The following ATXN1 variants were observed in gnomAD, a reference collection of about 807,000 sequenced individuals.
ATXN1 encodes ataxin 1, also known as ataxin-1.
ATXN1 carries 8 observed loss-of-function variants against 56.4 expected under a neutral mutation model. The ratio of observed to expected loss-of-function variants is 0.14; its 90% CI spans 0.08 to 0.26. ATXN1 has a LOEUF of 0.26. ATXN1 is among the 10% of genes least tolerant of loss of function. The pLI is 1.00. For synonymous variants in ATXN1, 514 were observed against 494.6 expected, an observed-to-expected ratio of 1.04 and a Z score of -0.52; for missense variants, 987 against 1,106.5, an observed-to-expected ratio of 0.89 and a Z score of 1.53.
chr6:16,690,727 G>A (rs537339191), intron 2 of ATXN1, among the ~76,000 whole-genome samples: 52 of 152,198 alleles, frequency 3.4e-4, no homozygotes, highest in African/African-American at 1.2e-3. Flanking sequence ...ATGAGAAAAC[G>A]GAGGTGGAAA....
At chr6:16,716,491 G>T (rs1208766369) in intron 2 of ATXN1, among the ~76,000 whole-genome samples, 3 of 152,178 alleles carry the variant, frequency 2.0e-5, no homozygotes, top group African/African-American at 7.2e-5. Context: ...CCAGCTGTGT[G>T]ACTTTGGTCA....
intron 4 of ATXN1, among the ~76,000 whole-genome samples, chr6:16,552,005 A>T: frequency 6.6e-6 from 1 of 152,202 alleles, no homozygotes; most frequent in Middle Eastern, 3.2e-3. Context: ...TGCAAGATGC[A>T]CCTGTGTGCG....
At chr6:16,353,335 G>A (rs1761611404) in intron 6 of ATXN1, among the ~76,000 whole-genome samples, 1 of 152,188 alleles carries the variant, frequency 6.6e-6, no homozygotes, top group South Asian at 2.1e-4. Context: ...GGGGAATGCT[G>A]CTGGTTGGTT....
At chr6:16,420,042 G>A (rs2113564206) in intron 6 of ATXN1, among the ~76,000 whole-genome samples, 1 of 152,308 alleles carries the variant, frequency 6.6e-6, no homozygotes, top group East Asian at 1.9e-4. Flanking sequence ...AAGGACACAT[G>A]AACCACCACA....
intron 6 of ATXN1, among the ~76,000 whole-genome samples, chr6:16,426,591 G>A (rs1759159640): frequency 7.1e-6 from 1 of 141,760 alleles, no homozygotes; most frequent in Non-Finnish European, 1.6e-5. Context: ...CCGAGTGTGT[G>A]TGTGTGTGTG....
intron 4 of ATXN1, among the ~76,000 whole-genome samples, chr6:16,563,037 C>T (rs1039349089): frequency 2.8e-4 from 43 of 151,882 alleles, no homozygotes; most frequent in African/African-American, 1.0e-3. Context: ...TCTTGCTCCT[C>T]TGGGATGCGT....
In ATXN1 at chr6:16,760,304, GC is replaced by G. The variant is rs1334836592; in HGVS notation, c.-730+993del. Among the ~76,000 whole-genome samples, 3 of 151,900 alleles carry G rather than the reference GC, an allele frequency of 2.0e-5. No homozygotes were observed. The highest frequency in any genetic ancestry group is 7.2e-5 in the African/African-American group (3 of 41,404). On this transcript the variant is annotated intron_variant, in intron 1 of 7. Coordinates refer to ENST00000436367, the MANE Select transcript of ATXN1 (RefSeq NM_001128164.2). The surrounding 1 kb of genome is among the most constrained non-coding windows in gnomAD (Gnocchi z 5.3). The stretch of plus-strand genomic sequence containing the variant: ...CATTCACCCTCCCAGCAGCCGCGCA[GC>G]CGTTCACTCCCGGCTCAGGGCAGCG...
At chr6:16,470,004 A>G (rs1044722086) in intron 6 of ATXN1, among the ~76,000 whole-genome samples, 1 of 152,156 alleles carries the variant, frequency 6.6e-6, no homozygotes, top group Non-Finnish European at 1.5e-5. Context: ...AATGGTTTCA[A>G]AGAGTTTCAA....
chr6:16,683,765 C>A (rs574541052), intron 2 of ATXN1, among the ~76,000 whole-genome samples: 3 of 152,316 alleles, frequency 2.0e-5, no homozygotes, highest in African/African-American at 7.2e-5. Context: ...TTCTTCCTGG[C>A]AAATTGCTCT....
intron 6 of ATXN1, among the ~76,000 whole-genome samples, chr6:16,472,707 G>T (rs560132430): frequency 6.6e-6 from 1 of 152,296 alleles, no homozygotes; most frequent in Admixed American, 6.5e-5. Flanking sequence ...ACAAATGCCT[G>T]CAGGCTCCGA....
At chr6:16,357,947 T>C (rs1440120968) in intron 6 of ATXN1, among the ~76,000 whole-genome samples, 1 of 152,030 alleles carries the variant, frequency 6.6e-6, no homozygotes, top group Non-Finnish European at 1.5e-5. Flanking sequence ...AAGATAAACA[T>C]ACAGGAACTC....
intron 6 of ATXN1, among the ~76,000 whole-genome samples, chr6:16,362,761 T>C (rs1414901644): frequency 6.6e-6 from 1 of 152,162 alleles, no homozygotes; most frequent in Non-Finnish European, 1.5e-5. Flanking sequence ...ATAGATGTGA[T>C]ATTCAGTTTA....
At chr6:16,624,714 G>A (rs1561783689) in intron 3 of ATXN1, among the ~76,000 whole-genome samples, 2 of 152,136 alleles carry the variant, frequency 1.3e-5, no homozygotes. Context: ...AATTGTGAAA[G>A]TCTAAAGTTA....
chr6:16,409,787 C>A (rs1758761006), intron 6 of ATXN1, among the ~76,000 whole-genome samples: 2 of 151,434 alleles, frequency 1.3e-5, no homozygotes, highest in Admixed American at 6.6e-5. Flanking sequence ...CTTTGCCCCC[C>A]ACCCCACAGC....
At chr6:16,695,136 G>A (rs1425060618) in intron 2 of ATXN1, among the ~76,000 whole-genome samples, 1 of 152,124 alleles carries the variant, frequency 6.6e-6, no homozygotes, top group Non-Finnish European at 1.5e-5. Flanking sequence ...ACTATGATGG[G>A]CATGGTCCTA....
At chr6:16,397,750 T>C (rs1310008075) in intron 6 of ATXN1, among the ~76,000 whole-genome samples, 3 of 152,246 alleles carry the variant, frequency 2.0e-5, no homozygotes, top group African/African-American at 7.2e-5. Flanking sequence ...CCTCTGTTTA[T>C]CTGCTACTGA....
chr6:16,639,576 G>A (rs900635385), intron 3 of ATXN1, among the ~76,000 whole-genome samples: 9 of 152,182 alleles, frequency 5.9e-5, no homozygotes, highest in Admixed American at 4.6e-4. Context: ...AGCTTCCCAA[G>A]GTGCTGGGAT....
rs1759002262 is a variant in ATXN1 at position 16,420,164 on chromosome 6, G to A, written c.-161+65808C>T. ...CTCACTAAATGATTTGAATAGAAAG[G>A]AAATCACCATAGCACCACTGTTCTC... On this transcript the variant is annotated intron_variant, in intron 6 of 7. Transcript: ENST00000436367. 2.6e-5 allele frequency among the ~76,000 whole-genome samples: 4 copies of A among 152,172 alleles called. No individual in the cohort carries two copies. In the South Asian group the frequency reaches 8.3e-4, roughly 32 times the overall value.
intron 5 of ATXN1, among the ~76,000 whole-genome samples, chr6:16,509,181 A>T (rs933613289): frequency 5.9e-5 from 9 of 152,160 alleles, no homozygotes; most frequent in Admixed American, 3.9e-4. Context: ...TGGATGCACA[A>T]CGAGAATATA....
Sources: gnomAD v4.1 joint callset for allele counts (sites outside exome capture counted in the v4.1 genomes callset) on GRCh38, gnomAD v4.1.1 for gene constraint, Gnocchi (gnomAD v3.1) non-coding constraint, MANE v1.5 for transcripts, NCBI Gene and HGNC (gene_info 2026-07-23, HGNC 2026-07-21) for gene names.